Variants in TCERG1 observed in about 807,000 individuals in gnomAD.
TCERG1 encodes the protein transcription elongation regulator 1.
Under a neutral mutation model 144.7 loss-of-function variants are expected in TCERG1, and 37 were observed. The observed-to-expected ratio is 0.26, with a 90% CI of 0.20 to 0.34. The LOEUF is 0.34. Among genes scored for constraint, TCERG1 ranks in the 10% least tolerant of loss-of-function variants. The pLI is 1.00. For missense variants in TCERG1, 1,027 were observed against 1,380.7 expected (o/e 0.74, Z 4.06); for synonymous variants, 492 against 458.2 (o/e 1.07, Z -0.94).
chr5:146,507,801 C>T lies in TCERG1; in HGVS notation c.2962-72C>T. On this transcript the variant is annotated intron_variant, in intron 20 of 22. Coordinates refer to ENST00000679501, the MANE Select transcript of TCERG1 (RefSeq NM_001382548.1). This position sits in a 1 kb window ranked among gnomAD's most constrained non-coding sequence, Gnocchi z 4.6. ...CAGGTCAGTGTGTAATATTATGTAC[C>T]TATGTGCTGCAGTTTGACTCCCTAA... 3.0e-6 allele frequency: 3 copies of T among 983,640 alleles called. No homozygotes were observed. Among genetic ancestry groups the T allele is most frequent in the Non-Finnish European group, 4.6e-6 (3 of 646,808 alleles). 60.9% of individuals were successfully genotyped at this position (983,640 alleles called of 1,614,324 possible).
At chr5:146,476,484 C>T (rs1764846933) in intron 9 of TCERG1, among the ~76,000 whole-genome samples, 2 of 152,114 alleles carry the variant, frequency 1.3e-5, no homozygotes. Context: ...GTTTTAAAGG[C>T]ACTTGGAATA....
At position 146,510,993 on chromosome 5, in the gene TCERG1, A is replaced by T. The variant is rs1213664902; in HGVS notation, c.*351A>T. The T allele has an allele frequency of 6.1e-6, 1 of 164,308 alleles. No individual in the cohort carries two copies. Among genetic ancestry groups the T allele is most frequent in the Non-Finnish European group, 1.3e-5 (1 of 76,140 alleles). The allele number at this position is 164,308 out of a possible 1,614,324, so 10.2% of individuals were successfully genotyped here. On this transcript the variant is annotated 3_prime_UTR_variant, in exon 23 of 23. Coordinates refer to ENST00000679501, the MANE Select transcript of TCERG1 (RefSeq NM_001382548.1). ...AGCATTTGTGGCTTGAACTTGCCAG[A>T]TGCAAATACCACAGACTCCAAGAAA... is the stretch of plus-strand genomic sequence containing the variant.
At chr5:146,483,759 A>G in intron 15 of TCERG1, 130 bp downstream of exon 15, 1 of 671,056 alleles carries the variant, frequency 1.5e-6, no homozygotes, top group Non-Finnish European at 2.4e-6. Flanking sequence ...GCATCTTAGA[A>G]CATATTATGT....
Position 146,455,084 on chromosome 5 carries a change from C to T in TCERG1, c.88C>T (p.Arg30Ter), listed in dbSNP as rs1762712085. Reference sequence around the variant, plus strand: ...GGCCCAACAGCAGGCCTTGAGGTTCCGAGGTCCGGCTCCCCCACCAAATGC... The same window carrying T: ...GGCCCAACAGCAGGCCTTGAGGTTCTGAGGTCCGGCTCCCCCACCAAATGC... The part of the protein sequence containing the change: ...RMAQQQALRF[R>*]GPAPPPNAVM... Residue 30 changes from arginine (R) to a stop codon, truncating the protein, a stop_gained, in exon 2 of 23, where the codon CGA becomes TGA. Coordinates refer to ENST00000679501, the MANE Select transcript of TCERG1 (RefSeq NM_001382548.1). LOFTEE classifies it high-confidence loss of function. 6.2e-7 allele frequency: 1 copy of T among 1,614,124 alleles called. No homozygotes were observed. The highest frequency in any genetic ancestry group is 8.5e-7 in the Non-Finnish European group (1 of 1,180,050).
chr5:146,493,085 C>A, intron 16 of TCERG1, 47 bp downstream of exon 16: 1 of 1,293,912 alleles, frequency 7.7e-7, no homozygotes, highest in South Asian at 1.4e-5. Context: ...TTATTTTCTC[C>A]TAAGATCAGT....
intron 1 of TCERG1, among the ~76,000 whole-genome samples, chr5:146,450,376 T>C (rs1762249769): frequency 6.6e-6 from 1 of 152,128 alleles, no homozygotes; most frequent in Non-Finnish European, 1.5e-5. Context: ...AGTAATAAAC[T>C]TGAAATATTT....
intron 17 of TCERG1, among the ~76,000 whole-genome samples, chr5:146,499,242 G>A (rs952363072): frequency 6.6e-6 from 1 of 152,174 alleles, no homozygotes; most frequent in Non-Finnish European, 1.5e-5. Flanking sequence ...GACCCCAGTG[G>A]TGTGTGAACC....
At chr5:146,484,997 C>G (rs1188355747) in intron 15 of TCERG1, among the ~76,000 whole-genome samples, 2 of 152,190 alleles carry the variant, frequency 1.3e-5, no homozygotes, top group African/African-American at 2.4e-5. Context: ...AATTAAGTCA[C>G]TGTTCCCTTG....
intron 19 of TCERG1, chr5:146,505,611 G>A (rs1024484650): frequency 4.0e-5 from 6 of 151,250 alleles, no homozygotes; most frequent in Admixed American, 1.3e-4. Flanking sequence ...AGACTTTCTC[G>A]TTCTTCAGGG....
At chr5:146,468,590 T>G (rs1482159242) in intron 6 of TCERG1, among the ~76,000 whole-genome samples, 187 bp downstream of exon 6, 1 of 152,206 alleles carries the variant, frequency 6.6e-6, no homozygotes, top group Non-Finnish European at 1.5e-5. Flanking sequence ...GCCTGTAGTA[T>G]TAGCTTCTTT....
intron 19 of TCERG1, among the ~76,000 whole-genome samples, chr5:146,504,994 C>A (rs563173017): frequency 4.0e-5 from 6 of 151,540 alleles, no homozygotes; most frequent in Non-Finnish European, 2.9e-5. Context: ...TGCCGTGAGC[C>A]GAGATCGCGC....
At chr5:146,474,154 C>T (rs1764610191) in intron 9 of TCERG1, among the ~76,000 whole-genome samples, 1 of 152,284 alleles carries the variant, frequency 6.6e-6, no homozygotes, top group South Asian at 2.1e-4. Flanking sequence ...ATTAAGAACA[C>T]TGGTGATTCA....
intron 10 of TCERG1, 95 bp from the exon 11 acceptor site, chr5:146,479,760 G>A: frequency 8.4e-7 from 1 of 1,187,328 alleles, no homozygotes. Flanking sequence ...AATATTAAGA[G>A]GTGAATATAT....
At chr5:146,496,624 C>T (rs1307100878) in intron 16 of TCERG1, among the ~76,000 whole-genome samples, 1 of 152,004 alleles carries the variant, frequency 6.6e-6, no homozygotes, top group African/African-American at 2.4e-5. Flanking sequence ...ACCATGTTTT[C>T]AATTCTTTGA....
chr5:146,480,225 A>G lies in TCERG1; in HGVS notation c.1886+131A>G, dbSNP rs954995527. 1.6e-5 allele frequency: 9 copies of G among 580,182 alleles called. No homozygotes were observed. In the African/African-American group the frequency reaches 1.7e-4, roughly 11 times the overall value. The allele number at this position is 580,182 out of a possible 1,614,324, so 35.9% of individuals were successfully genotyped here. On this transcript the variant is annotated intron_variant, in intron 12 of 22. Coordinates refer to ENST00000679501, the MANE Select transcript of TCERG1 (RefSeq NM_001382548.1). ...GCATGATTGCTCTCTTAGGCCTGAT[A>G]ATAAATAGCTTTGTTTTTCATTGTA...
rs1768395615 is a variant in TCERG1 at position 146,510,732 on chromosome 5, A to G, written c.*90A>G. 2 of 1,247,166 alleles carry G rather than the reference A, an allele frequency of 1.6e-6. No homozygotes were observed. The highest frequency in any genetic ancestry group is 2.5e-5 in the East Asian group (1 of 39,528). The allele number at this position is 1,247,166 out of a possible 1,614,324, so 77.3% of individuals were successfully genotyped here. On this transcript the variant is annotated 3_prime_UTR_variant, in exon 23 of 23. Transcript: ENST00000679501. ...TACATATATGTGCATTAGTCAACCT[A>G]TTGCGAAACCATCTGACAAACAGAA... is the stretch of plus-strand genomic sequence containing the variant.
intron 5 of TCERG1, among the ~76,000 whole-genome samples, chr5:146,467,294 G>GC (rs1763879214): frequency 6.6e-6 from 1 of 151,526 alleles, no homozygotes; most frequent in Non-Finnish European, 1.5e-5. Context: ...CCTTTAGTGG[G>GC]GAAAATAGTT....
intron 22 of TCERG1, chr5:146,510,090 G>A (rs1477260407): frequency 7.7e-7 from 1 of 1,300,074 alleles, no homozygotes; most frequent in South Asian, 1.2e-5. Flanking sequence ...AGATGTGAAA[G>A]TGAAAGCTTG....
rs149904213 is a variant in TCERG1, at chr5:146,472,170, A to G, written c.1601+594A>G. On this transcript the variant is annotated intron_variant, in intron 9 of 22. Coordinates refer to ENST00000679501, the MANE Select transcript of TCERG1 (RefSeq NM_001382548.1). The stretch of plus-strand genomic sequence containing the variant: ...TAAAATATTTTAAATTTGTTTTTGC[A>G]TGTTTACTCACTATGCGATTACATT... Among the ~76,000 whole-genome samples, 10 of 152,278 alleles carry G rather than the reference A, an allele frequency of 6.6e-5. No individual in the cohort carries two copies. The East Asian group carries it at 1.7e-3, about 26-fold the overall frequency.
Sources: gnomAD v4.1 joint callset for allele counts (sites outside exome capture counted in the v4.1 genomes callset) on GRCh38, gnomAD v4.1.1 for gene constraint, Gnocchi (gnomAD v3.1) non-coding constraint, MANE v1.5 for transcripts, NCBI Gene and HGNC (gene_info 2026-07-23, HGNC 2026-07-21) for gene names.